MCTP2: variants seen among roughly 807,000 people sequenced by gnomAD.
MCTP2 encodes the protein multiple C2 and transmembrane domain-containing protein 2.
In MCTP2, 132 loss-of-function variants were observed where a neutral mutation model predicts 111.6. The observed-to-expected ratio is 1.18, with a 90% CI of 1.03 to 1.37. The LOEUF (loss-of-function observed/expected upper bound fraction) is 1.37, where lower values mean the gene tolerates loss of function less well. Ranked by LOEUF, MCTP2 falls within the 40% of genes most tolerant of loss-of-function variation. MCTP2 has a pLI of 0.00. For missense variants in MCTP2, 1,183 were observed against 1,067.9 expected (o/e 1.11, Z -1.50); for synonymous variants, 395 against 387.7 (o/e 1.02, Z -0.22).
intron 17 of MCTP2, chr15:94,402,684 G>T: frequency 6.8e-7 from 1 of 1,479,672 alleles, no homozygotes; most frequent in South Asian, 1.4e-5. Context: ...ATATCTCAGG[G>T]CATTTTCTCT....
chr15:94,245,025 C>T (rs1433372058), intron 1 of MCTP2, among the ~76,000 whole-genome samples: 2 of 146,594 alleles, frequency 1.4e-5, no homozygotes, highest in East Asian at 2.1e-4. Context: ...TACATATGCA[C>T]CTATGTTTAT....
At chr15:94,290,447 T>C (rs2074981088) in intron 1 of MCTP2, among the ~76,000 whole-genome samples, 1 of 152,040 alleles carries the variant, frequency 6.6e-6, no homozygotes, top group Non-Finnish European at 1.5e-5. Flanking sequence ...ACTGATAAAT[T>C]AAAATGGAAC....
At chr15:94,337,495 CTTTT>C (rs892525744) in intron 4 of MCTP2, among the ~76,000 whole-genome samples, 6 of 133,426 alleles carry the variant, frequency 4.5e-5, no homozygotes, top group Non-Finnish European at 7.7e-5. Flanking sequence ...TTTTCCCCCA[CTTTT>C]TTATATATAT....
chr15:94,399,037 T>G lies in MCTP2; in HGVS notation c.1865T>G (p.Leu622Ter). Reference sequence around the variant, plus strand: ...CAAGCTTTTAAAGGAGTTATTTACTTAGAGATGGACCTTATATATAATCCG... The same window carrying G: ...CAAGCTTTTAAAGGAGTTATTTACTGAGAGATGGACCTTATATATAATCCG... Reference protein sequence around the residue: ...LEQAFKGVIYLEMDLIYNPVK... With the variant: ...LEQAFKGVIY Residue 622 changes from leucine (L) to a stop codon, truncating the protein, a stop_gained, in exon 15 of 23, where the codon TTA becomes TGA. Coordinates refer to ENST00000357742, the MANE Select transcript of MCTP2 (RefSeq NM_001385001.1). LOFTEE classifies it high-confidence loss of function. The G allele has an allele frequency of 6.6e-7, 1 of 1,524,802 alleles. No individual in the cohort carries two copies. Among genetic ancestry groups the G allele is most frequent in the Non-Finnish European group, 9.1e-7 (1 of 1,098,998 alleles). 94.5% of individuals were successfully genotyped at this position (1,524,802 alleles called of 1,614,324 possible). A position where few individuals can be genotyped will look rare whatever the true frequency, so the allele number is the denominator to read the frequency against.
At chr15:94,335,912 T>C (rs1337523686) in intron 4 of MCTP2, among the ~76,000 whole-genome samples, 1 of 152,086 alleles carries the variant, frequency 6.6e-6, no homozygotes, top group Non-Finnish European at 1.5e-5. Flanking sequence ...CAAATGAGAA[T>C]CCGCGAAGAG....
intron 8 of MCTP2, among the ~76,000 whole-genome samples, chr15:94,349,568 T>TA (rs1290268830): frequency 6.6e-6 from 1 of 151,808 alleles, no homozygotes; most frequent in Non-Finnish European, 1.5e-5. Context: ...AGCCCTCAGA[T>TA]AAAAAAAGAC....
intron 17 of MCTP2, among the ~76,000 whole-genome samples, chr15:94,439,474 G>T (rs1049819107): frequency 3.3e-5 from 5 of 151,994 alleles, no homozygotes; most frequent in Non-Finnish European, 7.4e-5. Context: ...TAATTAAAAG[G>T]TGTTCTCACC....
Position 94,242,952 on chromosome 15 carries a change from C to CATATACACGTGTATGTGT in MCTP2, c.-66+11302_-66+11303insGTGTATATACACGTGTAT, listed in dbSNP as rs1567248344. On this transcript the variant is annotated intron_variant, in intron 1 of 22. Coordinates refer to ENST00000357742, the MANE Select transcript of MCTP2 (RefSeq NM_001385001.1). ...ATATACACGTGTATATGTAGATACA[C>CATATACACGTGTATGTGT]ATATACACGTGTATATGTGTATCTA... 2.6e-4 allele frequency among the ~76,000 whole-genome samples: 34 copies of CATATACACGTGTATGTGT among 132,880 alleles called. 4 individuals are homozygous for CATATACACGTGTATGTGT. Among genetic ancestry groups the CATATACACGTGTATGTGT allele is most frequent in the Non-Finnish European group, 4.6e-4 (28 of 60,520 alleles). 87.2% of individuals were successfully genotyped at this position (132,880 alleles called of 152,430 possible). A position where few individuals can be genotyped will look rare whatever the true frequency, so the allele number is the denominator to read the frequency against.
intron 20 of MCTP2, among the ~76,000 whole-genome samples, chr15:94,458,645 T>TA (rs2084991348): frequency 6.6e-6 from 1 of 152,130 alleles, no homozygotes; most frequent in Non-Finnish European, 1.5e-5. Context: ...GAGTAACTTT[T>TA]CTCTCCAATT....
At chr15:94,451,487 C>A (rs893167729) in intron 19 of MCTP2, among the ~76,000 whole-genome samples, 4 of 152,178 alleles carry the variant, frequency 2.6e-5, no homozygotes, top group African/African-American at 7.2e-5. Context: ...ATGTATTTAG[C>A]CACAATAATC....
chr15:94,380,648 A>G (rs563485169), intron 12 of MCTP2, among the ~76,000 whole-genome samples: 1 of 152,048 alleles, frequency 6.6e-6, no homozygotes, highest in East Asian at 1.9e-4. Context: ...CGTGCCTATA[A>G]TCCCAGCTAC....
At chr15:94,340,323 ACT>A in intron 6 of MCTP2, 48 bp downstream of exon 6, 1 of 1,334,194 alleles carries the variant, frequency 7.5e-7, no homozygotes, top group Non-Finnish European at 1.1e-6. Context: ...TTTAGAGGGA[ACT>A]TACGATAATG....
chr15:94,293,565 C>T (rs916554241), intron 1 of MCTP2, among the ~76,000 whole-genome samples: 6 of 152,234 alleles, frequency 3.9e-5, no homozygotes, highest in Admixed American at 1.3e-4. Context: ...GGCCTTACTC[C>T]AGGCCACGGT....
intron 17 of MCTP2, among the ~76,000 whole-genome samples, chr15:94,425,489 T>G (rs377351395): frequency 6.6e-6 from 1 of 152,020 alleles, no homozygotes; most frequent in African/African-American, 2.4e-5. Flanking sequence ...GGCAAACTTA[T>G]TAACTTTCAA....
At chr15:94,423,538 G>A (rs1453489053) in intron 17 of MCTP2, among the ~76,000 whole-genome samples, 3 of 152,266 alleles carry the variant, frequency 2.0e-5, no homozygotes, top group Admixed American at 6.5e-5. Context: ...ATGATTTTAT[G>A]TCGTTATTTA....
At chr15:94,251,832 C>A (rs974826663) in intron 1 of MCTP2, among the ~76,000 whole-genome samples, 1 of 152,188 alleles carries the variant, frequency 6.6e-6, no homozygotes, top group Non-Finnish European at 1.5e-5. Context: ...ATTCTACTTT[C>A]TGTCTCCACG....
chr15:94,233,701 T>A (rs8034119), intron 1 of MCTP2, among the ~76,000 whole-genome samples: 6 of 152,248 alleles, frequency 3.9e-5, no homozygotes, highest in African/African-American at 1.4e-4. Context: ...AGTTCCTTAT[T>A]TGACTTTTGC....
chr15:94,240,587 C>G (rs933139563), intron 1 of MCTP2, among the ~76,000 whole-genome samples: 2 of 152,088 alleles, frequency 1.3e-5, no homozygotes, highest in African/African-American at 4.8e-5. Context: ...GCCTTAAAAC[C>G]ACATCCATGT....
In MCTP2 at chr15:94,464,246, ATATATATATAT is replaced by A. The variant is rs1466754226; in HGVS notation, c.2360+6012_2360+6022del. Among the ~76,000 whole-genome samples, 42 of 60,382 alleles carry A rather than the reference ATATATATATAT, an allele frequency of 7.0e-4. 1 individual carries two copies. Among genetic ancestry groups the A allele is most frequent in the African/African-American group, 2.6e-3 (38 of 14,766 alleles). 39.6% of individuals were successfully genotyped at this position (60,382 alleles called of 152,430 possible). ...TTATATGTTTATATATATAATATAT[ATATATATATAT>A]TATATATATATATATATATATAAAC... On this transcript the variant is annotated intron_variant, in intron 20 of 22. Coordinates refer to ENST00000357742, the MANE Select transcript of MCTP2 (RefSeq NM_001385001.1).
Sources: allele counts gnomAD v4.1 joint callset (sites outside exome capture counted in the v4.1 genomes callset), GRCh38; gene constraint gnomAD v4.1.1; transcripts MANE v1.5; gene names NCBI Gene and HGNC (gene_info 2026-07-23, HGNC 2026-07-21).